The following IDI1 variants were observed in gnomAD, a reference collection of about 807,000 sequenced individuals.
IDI1 encodes the protein isopentenyl-diphosphate delta isomerase 1.
Under a neutral mutation model 32.9 loss-of-function variants are expected in IDI1, and 23 were observed. The ratio of observed to expected loss-of-function variants is 0.70; its 90% confidence interval spans 0.50 to 0.99. The LOEUF (loss-of-function observed/expected upper bound fraction) is 0.99, where lower values mean the gene tolerates loss of function less well. Among genes scored for constraint, IDI1 ranks in the 50% least tolerant of loss-of-function variants. The pLI is 0.00. For missense variants in IDI1, 326 were observed against 351.9 expected, an observed-to-expected ratio of 0.93 and a Z score of 0.59; for synonymous variants, 133 against 128.2, an observed-to-expected ratio of 1.04 and a Z score of -0.25.
intron 1 of IDI1, 150 bp downstream of exon 1, chr10:1,048,714 G>A: frequency 7.0e-7 from 1 of 1,425,702 alleles, no homozygotes; most frequent in Non-Finnish European, 9.1e-7. Flanking sequence ...TCCAGTTCGG[G>A]AGACCAACGC....
At chr10:1,044,237 G>A (rs1832728361) in intron 1 of IDI1, 66 bp from the exon 2 acceptor site, 2 of 1,229,304 alleles carry the variant, frequency 1.6e-6, no homozygotes, top group Admixed American at 4.0e-5. Flanking sequence ...ATAAACACAG[G>A]TTAATAATGA....
intron 4 of IDI1, 22 bp from the exon 5 acceptor site, chr10:1,041,526 A>G (rs1437733813): frequency 1.6e-6 from 2 of 1,287,528 alleles, no homozygotes; most frequent in African/African-American, 1.5e-5. Context: ...AAAAAAAAAA[A>G]GTAATTAAAA....
chr10:1,044,659 A>G lies in IDI1; in HGVS notation c.141-488T>C, dbSNP rs146157328. The stretch of plus-strand genomic sequence containing the variant: ...TTGAAATCCATTTTTTCAAGGCACA[A>G]CTCGTGCCAGACATTCAATAACCTT... On this transcript the variant is annotated intron_variant, in intron 1 of 4. Coordinates refer to ENST00000381344, the MANE Select transcript of IDI1 (RefSeq NM_004508.4). 9.8e-5 allele frequency among the ~76,000 whole-genome samples: 15 copies of G among 152,308 alleles called. No homozygotes were observed. In the East Asian group the frequency reaches 2.9e-3, roughly 29 times the overall value.
upstream of IDI1, chr10:1,049,223 C>T (rs1220121325): frequency 4.4e-6 from 3 of 685,748 alleles, no homozygotes; most frequent in Non-Finnish European, 6.7e-6. Flanking sequence ...AGACCACAGA[C>T]GCCGCCAGCC....
upstream of IDI1, among the ~76,000 whole-genome samples, chr10:1,051,084 T>C (rs1420159717): frequency 6.6e-6 from 1 of 152,274 alleles, no homozygotes; most frequent in Non-Finnish European, 1.5e-5. Flanking sequence ...TTTTTGACTG[T>C]ACCTCGAATG....
At chr10:1,052,169 C>T (rs991784923), upstream of IDI1, among the ~76,000 whole-genome samples, 4 of 152,172 alleles carry the variant, frequency 2.6e-5, no homozygotes, top group Non-Finnish European at 5.9e-5. Flanking sequence ...CCGCACCCGG[C>T]CAGGAAAACT....
At position 1,044,260 on chromosome 10, in the gene IDI1, A is replaced by G; in HGVS notation, c.141-89T>C. On this transcript the variant is annotated intron_variant, in intron 1 of 4. Transcript: ENST00000381344. ...AGGTTAATAATGATGCTGCTTCCCCATCTGCAGTTGTACCACTCTGCATCC... is the reference window on the plus strand; with the variant it reads ...AGGTTAATAATGATGCTGCTTCCCCGTCTGCAGTTGTACCACTCTGCATCC... 3.1e-6 allele frequency: 3 copies of G among 979,654 alleles called. No individual in the cohort carries two copies. The East Asian group carries it at 7.6e-5, about 25-fold the overall frequency. The allele number at this position is 979,654 out of a possible 1,614,324, so 60.7% of individuals were successfully genotyped here. A position where few individuals can be genotyped will look rare whatever the true frequency, so the allele number is the denominator to read the frequency against.
the IDI1 span, among the ~76,000 whole-genome samples, chr10:1,055,405 C>T: frequency 6.6e-6 from 1 of 152,122 alleles, no homozygotes; most frequent in African/African-American, 2.4e-5. Context: ...TAAAAAATTA[C>T]ATTAGCGATA....
At chr10:1,049,259 G>A (rs1832913289), upstream of IDI1, 4 of 552,074 alleles carry the variant, frequency 7.2e-6, no homozygotes, top group South Asian at 5.1e-5. Context: ...CCTGCCGTGC[G>A]AGCCCGAGGC....
At chr10:1,049,307 C>T (rs1000115722), upstream of IDI1, 1 of 407,068 alleles carries the variant, frequency 2.5e-6, no homozygotes, top group East Asian at 4.6e-5. Context: ...TCTCGAGGCT[C>T]GCGTTCCATG....
In IDI1 at chr10:1,041,434, T is replaced by G; in HGVS notation, c.608A>C (p.Glu203Ala). 3 of 1,610,982 alleles carry G rather than the reference T, an allele frequency of 1.9e-6. No individual in the cohort carries two copies. Among genetic ancestry groups the G allele is most frequent in the Middle Eastern group, 1.7e-4 (1 of 6,056 alleles). Reference protein sequence around the residue: ...YKAQSDGIWGEHEIDYILLVR... With the variant: ...YKAQSDGIWGAHEIDYILLVR... ...CAACAAAATGTAATCAATTTCATGT[T>G]CACCCCAGATACCATCAGACTGAGC... Residue 203 changes from glutamate to alanine, a missense_variant, in exon 5 of 5, where the codon GAA becomes GCA. Physicochemically the swap from Glu to Ala is moderately radical, Grantham distance 107. Around this residue, in one of 2 missense-constraint regions of IDI1, gnomAD observed 205 missense variants for 273.5 expected, o/e 0.75. Transcript: ENST00000381344.
chr10:1,051,537 A>G (rs1348153783), upstream of IDI1, among the ~76,000 whole-genome samples: 1 of 152,226 alleles, frequency 6.6e-6, no homozygotes, highest in East Asian at 1.9e-4. Context: ...TACAACTCAA[A>G]CGTTCCCACA....
chr10:1,049,706 G>A (rs1832941080), upstream of IDI1: 1 of 152,058 alleles, frequency 6.6e-6, no homozygotes, highest in Admixed American at 6.6e-5. Context: ...CCAGGCTTGA[G>A]TGCAATGGTG....
In IDI1 at chr10:1,041,424, A is replaced by ATTTTGTG. The variant is rs773270544; in HGVS notation, c.617_618insCACAAAA (p.Asp207ThrfsTer3). On this transcript the variant is annotated frameshift_variant, in exon 5 of 5. Transcript: ENST00000381344. LOFTEE classifies it high-confidence loss of function. ...TCTTCCTCACCAACAAAATGTAATC[A>ATTTTGTG]ATTTCATGTTCACCCCAGATACCAT... The ATTTTGTG allele has an allele frequency of 6.2e-7, 1 of 1,610,582 alleles. No individual in the cohort carries two copies. Among genetic ancestry groups the ATTTTGTG allele is most frequent in the Non-Finnish European group, 8.5e-7 (1 of 1,176,952 alleles).
the IDI1 span, among the ~76,000 whole-genome samples, chr10:1,054,454 C>A: frequency 6.6e-6 from 1 of 152,212 alleles, no homozygotes; most frequent in Non-Finnish European, 1.5e-5. Context: ...AATTCCCTAT[C>A]AAACCATGCG....
At chr10:1,048,823 C>T in intron 1 of IDI1, 41 bp downstream of exon 1, 1 of 1,596,050 alleles carries the variant, frequency 6.3e-7, no homozygotes, top group Non-Finnish European at 8.5e-7. Context: ...CCGATGCCGC[C>T]CTGCCCCTGT....
At chr10:1,050,753 C>T (rs191509601), upstream of IDI1, among the ~76,000 whole-genome samples, 164 of 152,292 alleles carry the variant, frequency 1.1e-3, no homozygotes, top group Non-Finnish European at 2.1e-3. Context: ...GTTCACCTCA[C>T]GTGCACACCT....
chr10:1,043,432 T>G (rs1376279860), intron 2 of IDI1, 39 bp from the exon 3 acceptor site: 1 of 1,301,590 alleles, frequency 7.7e-7, no homozygotes, highest in East Asian at 2.3e-5. Context: ...TAGCCTTAAG[T>G]ACCAGTTATT....
At position 1,041,486 on chromosome 10, in the gene IDI1, T is replaced by TA; in HGVS notation, c.555dup (p.Asn186Ter). 6.4e-7 allele frequency: 1 copy of TA among 1,570,720 alleles called. No individual in the cohort carries two copies. Among genetic ancestry groups the TA allele is most frequent in the Non-Finnish European group, 8.7e-7 (1 of 1,154,292 alleles). On this transcript the variant is annotated frameshift_variant, in exon 5 of 5. Transcript: ENST00000381344. LOFTEE classifies it high-confidence loss of function. Reference sequence around the variant, plus strand: ...TTGTAGTGAATTCGTGTTAAATAATTAATTTCTTCTGGAGGAACCTAAGAC... The same window carrying TA: ...TTGTAGTGAATTCGTGTTAAATAATTAAATTTCTTCTGGAGGAACCTAAGAC...
Sources: gnomAD v4.1 joint callset for allele counts (sites outside exome capture counted in the v4.1 genomes callset) on GRCh38, gnomAD v4.1.1 for gene constraint, gnomAD v4.1.1 regional missense constraint, MANE v1.5 for transcripts, NCBI Gene and HGNC (gene_info 2026-07-23, HGNC 2026-07-21) for gene names.